The following PHF21A variants were observed in gnomAD, a reference collection of about 807,000 sequenced individuals.
PHF21A encodes PHD finger protein 21A, also known as BHC80a.
PHF21A carries 11 observed loss-of-function variants against 82.5 expected under a neutral mutation model. The observed-to-expected ratio is 0.13, with a 90% CI of 0.08 to 0.22. The LOEUF (loss-of-function observed/expected upper bound fraction) is 0.22. PHF21A is among the 10% of genes least tolerant of loss of function. PHF21A has a pLI of 1.00. For missense variants in PHF21A, 579 were observed against 837.8 expected, an observed-to-expected ratio of 0.69 and a Z score of 3.81; for synonymous variants, 297 against 302.8, an observed-to-expected ratio of 0.98 and a Z score of 0.20.
At chr11:45,969,725 G>C in intron 9 of PHF21A, 90 bp downstream of exon 9, 1 of 825,450 alleles carries the variant, frequency 1.2e-6, no homozygotes, top group Non-Finnish European at 2.1e-6. Context: ...CAGCTGGGCT[G>C]ACAAGCCCCA....
intron 1 of PHF21A, among the ~76,000 whole-genome samples, chr11:46,093,160 A>G (rs541782564): frequency 5.3e-5 from 8 of 152,364 alleles, no homozygotes; most frequent in African/African-American, 1.7e-4. Flanking sequence ...AGGTTTTGGG[A>G]TCCCAATCCA....
intron 6 of PHF21A, among the ~76,000 whole-genome samples, chr11:45,986,902 T>G (rs1034841004): frequency 7.9e-5 from 12 of 152,220 alleles, no homozygotes; most frequent in Non-Finnish European, 1.6e-4. Context: ...TATTTTTTTT[T>G]TAATGACAAC....
chr11:46,043,513 C>T (rs1408847320), intron 6 of PHF21A, among the ~76,000 whole-genome samples: 6 of 152,154 alleles, frequency 3.9e-5, no homozygotes, highest in East Asian at 3.9e-4. Context: ...ATCTGCAATG[C>T]CTCTCCTTCC....
chr11:45,975,741 G>A (rs909516635), intron 7 of PHF21A, among the ~76,000 whole-genome samples: 2 of 152,098 alleles, frequency 1.3e-5, no homozygotes, highest in South Asian at 2.1e-4. Context: ...ATGAGTTGAC[G>A]TTAACTAAGT....
chr11:46,088,723 T>C (rs2096885805), intron 3 of PHF21A, among the ~76,000 whole-genome samples: 6 of 152,212 alleles, frequency 3.9e-5, no homozygotes, highest in Admixed American at 3.9e-4. Context: ...TTTATGATAG[T>C]TTTAATACAC....
Position 46,073,095 on chromosome 11 carries a change from G to A in PHF21A, c.153+3659C>T, listed in dbSNP as rs1405210205. Among the ~76,000 whole-genome samples, 5 of 152,078 alleles carry A rather than the reference G, an allele frequency of 3.3e-5. No homozygotes were observed. The East Asian group carries it at 7.7e-4, about 23-fold the overall frequency. On this transcript the variant is annotated intron_variant, in intron 6 of 18. Transcript: ENST00000676320. ...TGTAATCCCAGCACTTTGGGAGGCC[G>A]AGGTGGGAGGATCACAAGGTCAGGA...
intron 6 of PHF21A, among the ~76,000 whole-genome samples, chr11:46,002,834 T>C (rs1171529618): frequency 2.0e-5 from 3 of 151,616 alleles, no homozygotes; most frequent in Non-Finnish European, 4.4e-5. Context: ...AAATTTGTAA[T>C]GAAAAAAAAA....
At chr11:46,037,640 CAAAAAAAAAAAA>C (rs1000939610) in intron 6 of PHF21A, among the ~76,000 whole-genome samples, 23 of 59,062 alleles carry the variant, frequency 3.9e-4, no homozygotes, top group African/African-American at 1.2e-3. Context: ...AACGTCATCT[CAAAAAAAAAAAA>C]AAAAAAAAAA....
rs2087834881 is a variant in PHF21A at position 45,932,926 on chromosome 11, A to G, written c.*1042T>C. ...TTATTTTAGTTTTTGTTACCAAGAA[A>G]GTAAAATGAACAGTAAAATAAAACT... On this transcript the variant is annotated 3_prime_UTR_variant, in exon 19 of 19. Coordinates refer to ENST00000676320, the MANE Select transcript of PHF21A (RefSeq NM_001352027.3). This position sits in a 1 kb window ranked among gnomAD's most constrained non-coding sequence, Gnocchi z 4.3. 1 of 152,550 alleles carries G rather than the reference A, an allele frequency of 6.6e-6. No individual in the cohort carries two copies. The highest frequency in any genetic ancestry group is 1.5e-5 in the Non-Finnish European group (1 of 68,046). The allele number at this position is 152,550 out of a possible 1,614,324, so 9.4% of individuals were successfully genotyped here. A position where few individuals can be genotyped will look rare whatever the true frequency, so the allele number is the denominator to read the frequency against.
At chr11:45,972,869 G>A (rs1026302332) in intron 7 of PHF21A, among the ~76,000 whole-genome samples, 5 of 150,140 alleles carry the variant, frequency 3.3e-5, no homozygotes, top group African/African-American at 1.2e-4. Context: ...AGCAGAAATT[G>A]TGCCACTGCA....
chr11:45,985,660 G>C (rs2136445836), intron 6 of PHF21A, among the ~76,000 whole-genome samples: 1 of 152,258 alleles, frequency 6.6e-6, no homozygotes, highest in Admixed American at 6.5e-5. Flanking sequence ...ATACTAGAAA[G>C]TTTTCCCCAG....
At chr11:45,983,005 C>T (rs1316094083) in intron 6 of PHF21A, among the ~76,000 whole-genome samples, 1 of 152,116 alleles carries the variant, frequency 6.6e-6, no homozygotes, top group East Asian at 1.9e-4. Flanking sequence ...CTAAAGTACA[C>T]TAGAAGCAAG....
intron 6 of PHF21A, among the ~76,000 whole-genome samples, chr11:46,054,416 G>A (rs1448279288): frequency 1.3e-5 from 2 of 152,156 alleles, no homozygotes; most frequent in Non-Finnish European, 2.9e-5. Flanking sequence ...TTTAGTTTGG[G>A]CAATATCAAA....
intron 6 of PHF21A, among the ~76,000 whole-genome samples, chr11:45,990,250 CTTTTTTTTTTTTT>C (rs201187984): frequency 0.29 from 16,654 of 56,512 alleles, 2,499 homozygotes; most frequent in East Asian, 0.71. Context: ...TTTTCATCTT[CTTTTTTTTTTTTT>C]TTTTTTTTTT....
At chr11:45,935,887 G>C (rs952653651) in intron 17 of PHF21A, 148 bp from the exon 18 acceptor site, 1 of 604,424 alleles carries the variant, frequency 1.7e-6, no homozygotes, top group Non-Finnish European at 2.9e-6. Flanking sequence ...CTGCCCACCT[G>C]GACTTTTCCT....
chr11:45,991,121 G>A (rs945379403), intron 6 of PHF21A, among the ~76,000 whole-genome samples: 1 of 152,076 alleles, frequency 6.6e-6, no homozygotes, highest in African/African-American at 2.4e-5. Flanking sequence ...TCATAGAGTT[G>A]GAGTCATACA....
chr11:46,014,784 T>G (rs2095481094), intron 6 of PHF21A, among the ~76,000 whole-genome samples: 1 of 58,354 alleles, frequency 1.7e-5, no homozygotes, highest in African/African-American at 1.6e-4. Flanking sequence ...ATCGAGACCA[T>G]CCCGGCTAAA....
chr11:45,952,903 T>C (rs1359080290), intron 11 of PHF21A, among the ~76,000 whole-genome samples: 1 of 152,262 alleles, frequency 6.6e-6, no homozygotes, highest in Non-Finnish European at 1.5e-5. Flanking sequence ...AATTTGCTTG[T>C]CTAAGGACAT....
At chr11:45,946,636 A>G (rs1185604591) in intron 14 of PHF21A, among the ~76,000 whole-genome samples, 1 of 152,080 alleles carries the variant, frequency 6.6e-6, no homozygotes, top group Non-Finnish European at 1.5e-5. Flanking sequence ...TGGCCTCCCA[A>G]AGTGCTGGGA....
Sources: allele counts gnomAD v4.1 joint callset (sites outside exome capture counted in the v4.1 genomes callset), GRCh38; gene constraint gnomAD v4.1.1; non-coding constraint Gnocchi (gnomAD v3.1); transcripts MANE v1.5; gene names NCBI Gene and HGNC (gene_info 2026-07-23, HGNC 2026-07-21).